Variants in PHKA1 observed in about 807,000 individuals in gnomAD.
The protein encoded by PHKA1 is phosphorylase b kinase regulatory subunit alpha, skeletal muscle isoform.
Under a neutral mutation model 110.2 loss-of-function variants are expected in PHKA1, and 60 were observed. That is an observed-to-expected ratio of 0.54 (90% confidence interval 0.44 to 0.68). The LOEUF (loss-of-function observed/expected upper bound fraction) is 0.68, where lower values mean the gene tolerates loss of function less well. Ranked by LOEUF, PHKA1 falls within the 30% of genes least tolerant of loss-of-function variation. The probability of loss-of-function intolerance (pLI) is 0.00; values close to 1 mark genes in which losing one functional copy is unlikely to be tolerated. For missense variants in PHKA1, 801 were observed against 942.5 expected, an observed-to-expected ratio of 0.85 and a Z score of 1.97; for synonymous variants, 316 against 333.6, an observed-to-expected ratio of 0.95 and a Z score of 0.58.
At chrX:72,594,625 G>C (rs1556231366) in intron 28 of PHKA1, among the ~76,000 whole-genome samples, 1 of 112,341 alleles carries the variant, frequency 8.9e-6, no homozygotes, top group African/African-American at 3.2e-5. Context: ...TATCAAATTA[G>C]TAAGTACAAA....
In PHKA1 at chrX:72,619,325, A is replaced by G; in HGVS notation, c.2138-20T>C. On this transcript the variant is annotated intron_variant, in intron 19 of 31. Coordinates refer to ENST00000373542, the MANE Select transcript of PHKA1 (RefSeq NM_002637.4). Reference sequence around the variant, plus strand: ...GAACATCTGCAAAAATATGACATTTATGGGAAATATTAGGTAATTAGGAGA... The same window carrying G: ...GAACATCTGCAAAAATATGACATTTGTGGGAAATATTAGGTAATTAGGAGA... The G allele has an allele frequency of 1.0e-6, 1 of 979,751 alleles. No homozygotes were observed. The highest frequency in any genetic ancestry group is 1.5e-6 in the Non-Finnish European group (1 of 686,815). The allele number at this position is 979,751 out of a possible 1,213,427, so 80.7% of individuals were successfully genotyped here. A position where few individuals can be genotyped will look rare whatever the true frequency, so the allele number is the denominator to read the frequency against.
intron 3 of PHKA1, among the ~76,000 whole-genome samples, chrX:72,704,837 C>G (rs56736755): frequency 8.9e-6 from 1 of 111,843 alleles, no homozygotes; most frequent in Admixed American, 9.5e-5. Context: ...GCAATCCATC[C>G]GCCTTGGCCT....
At chrX:72,708,590 G>T (rs1371387580) in intron 2 of PHKA1, among the ~76,000 whole-genome samples, 3 of 111,776 alleles carry the variant, frequency 2.7e-5, no homozygotes, top group African/African-American at 9.8e-5. Context: ...TAAGGGCTTA[G>T]ACTAAGGTTG....
Position 72,666,186 on chromosome X carries a change from C to T in PHKA1, c.829G>A (p.Glu277Lys). Reference protein sequence around the residue: ...AFAVEDSQLVELTKQEIITKL... With the variant: ...AFAVEDSQLVKLTKQEIITKL... ...GTGATGATTTCCTGTTTTGTGAGCT[C>T]CACCAACTGGCTATCCTCTACTGCA... Residue 277 changes from glutamate to lysine, a missense_variant, in exon 8 of 32, where the codon GAG (glutamate) becomes AAG (lysine). Glu to Lys is a moderately conservative substitution (Grantham distance 56). Transcript: ENST00000373542. 8.3e-7 allele frequency: 1 copy of T among 1,210,769 alleles called. No individual in the cohort carries two copies. The highest frequency in any genetic ancestry group is 1.1e-6 in the Non-Finnish European group (1 of 894,817).
chrX:72,704,057 T>C (rs1352426402), intron 3 of PHKA1, among the ~76,000 whole-genome samples: 2 of 112,394 alleles, frequency 1.8e-5, no homozygotes, highest in Non-Finnish European at 3.8e-5. Context: ...ATGTCTATAA[T>C]GTACAATAAC....
chrX:72,605,387 T>C lies in PHKA1; in HGVS notation c.2699A>G (p.Tyr900Cys). Reference protein sequence around the residue: ...ISILTQEIMVYLAMYMRTQPG... With the variant: ...ISILTQEIMVCLAMYMRTQPG... ...CTGGGTTCGCATATACATGGCTAGA[T>C]ATACCATTATTTCCTGCACACAGAG... is the stretch of plus-strand genomic sequence containing the variant. Residue 900 changes from tyrosine to cysteine, a missense_variant, in exon 25 of 32, where the codon TAT (tyrosine) becomes TGT (cysteine). Transcript: ENST00000373542. The C allele has an allele frequency of 8.3e-7, 1 of 1,209,074 alleles. No homozygotes were observed.
At chrX:72,695,939 C>A in intron 3 of PHKA1, 63 bp from the exon 4 acceptor site, 3 of 866,670 alleles carry the variant, frequency 3.5e-6, no homozygotes. Context: ...TGCCACACTT[C>A]TGTAATACTC....
chrX:72,607,882 T>A (rs1370119630), intron 23 of PHKA1, among the ~76,000 whole-genome samples: 1 of 111,501 alleles, frequency 9.0e-6, no homozygotes, highest in African/African-American at 3.3e-5. Flanking sequence ...GCACTGTACA[T>A]TTGTTAGCAG....
At chrX:72,708,953 G>A (rs1008133403) in intron 2 of PHKA1, among the ~76,000 whole-genome samples, 3 of 111,691 alleles carry the variant, frequency 2.7e-5, no homozygotes, top group Non-Finnish European at 5.6e-5. Flanking sequence ...TGGTAGAATG[G>A]AGACAGTAAT....
chrX:72,636,028 T>C (rs926644403), intron 15 of PHKA1, among the ~76,000 whole-genome samples: 1 of 112,153 alleles, frequency 8.9e-6, no homozygotes, highest in Admixed American at 9.4e-5. Flanking sequence ...TTATAAGTAC[T>C]CTAGCATTTG....
At chrX:72,680,691 C>A (rs1339227012) in intron 5 of PHKA1, among the ~76,000 whole-genome samples, 1 of 105,829 alleles carries the variant, frequency 9.4e-6, no homozygotes, top group African/African-American at 3.6e-5. Context: ...GCGGCGCTGA[C>A]GCCCGCGGGC....
intron 21 of PHKA1, among the ~76,000 whole-genome samples, chrX:72,614,248 T>G (rs1224648745): frequency 9.1e-6 from 1 of 110,382 alleles, no homozygotes; most frequent in East Asian, 3.0e-4. Flanking sequence ...AAAAATAATA[T>G]GCGTGTGTGA....
intron 18 of PHKA1, chrX:72,622,084 T>C: frequency 1.3e-6 from 1 of 744,023 alleles, no homozygotes; most frequent in Non-Finnish European, 1.6e-6. Context: ...TTGTTATTAC[T>C]GATAACAGTA....
chrX:72,627,834 T>C (rs2147720263), intron 16 of PHKA1, among the ~76,000 whole-genome samples: 1 of 101,125 alleles, frequency 9.9e-6, no homozygotes, highest in South Asian at 5.0e-4. Flanking sequence ...TTTTTTTTTT[T>C]TGAGACAGAG....
At chrX:72,587,450 G>T (rs999182914) in intron 29 of PHKA1, among the ~76,000 whole-genome samples, 2 of 111,466 alleles carry the variant, frequency 1.8e-5, no homozygotes, top group Non-Finnish European at 3.8e-5. Flanking sequence ...ACATGGAAAG[G>T]AACAACCGGT....
chrX:72,674,937 A>C (rs2053758869), intron 6 of PHKA1, among the ~76,000 whole-genome samples: 1 of 110,154 alleles, frequency 9.1e-6, no homozygotes, highest in Non-Finnish European at 1.9e-5. Context: ...TAATCCCAGC[A>C]CTTTGGGAGG....
chrX:72,650,310 T>C, intron 13 of PHKA1, 80 bp downstream of exon 13: 1 of 780,922 alleles, frequency 1.3e-6, no homozygotes, highest in Non-Finnish European at 1.9e-6. Context: ...AATAAAGTCA[T>C]AATTTACTAG....
intron 28 of PHKA1, among the ~76,000 whole-genome samples, chrX:72,595,163 T>A (rs1312565440): frequency 8.9e-6 from 1 of 111,816 alleles, no homozygotes; most frequent in African/African-American, 3.3e-5. Context: ...TGTAATACAC[T>A]ACATCAACAG....
chrX:72,698,722 G>A (rs1283658255), intron 3 of PHKA1, among the ~76,000 whole-genome samples: 1 of 112,433 alleles, frequency 8.9e-6, no homozygotes, highest in Non-Finnish European at 1.9e-5. Context: ...ACAATAAGGA[G>A]GTTTGTTTTG....
Sources: allele counts gnomAD v4.1 joint callset (sites outside exome capture counted in the v4.1 genomes callset), GRCh38; gene constraint gnomAD v4.1.1; transcripts MANE v1.5; gene names NCBI Gene and HGNC (gene_info 2026-07-23, HGNC 2026-07-21).